MICALL2: variants seen among roughly 807,000 people sequenced by gnomAD.
MICALL2 encodes MICAL like 2, also known as MICAL-like protein 2.
A neutral mutation model predicts 91.1 loss-of-function variants in MICALL2; 111 were observed. The observed-to-expected ratio is 1.22, with a 90% CI of 1.04 to 1.43. The LOEUF (loss-of-function observed/expected upper bound fraction) is 1.43. Among genes scored for constraint, MICALL2 ranks in the 40% most tolerant of loss-of-function variants. MICALL2 has a pLI of 0.00. For synonymous variants in MICALL2, 694 were observed against 525.3 expected, an observed-to-expected ratio of 1.32 and a Z score of -4.39; for missense variants, 1,556 against 1,236.0, an observed-to-expected ratio of 1.26 and a Z score of -3.88.
rs773608115 is a variant in MICALL2 at position 1,438,970 on chromosome 7, G to A, written c.1992C>T (p.Arg664=). The A allele has an allele frequency of 3.8e-6, 6 of 1,598,750 alleles. No individual in the cohort carries two copies. The highest frequency in any genetic ancestry group is 2.2e-5 in the South Asian group (2 of 91,018). ...LPARSPSPPR[R]RRLAVPASLD... ...GGCTGGCAGGGACGGCCAGTCTCCT[G>A]CGGCGGGGTGGGGAGGGGGACCTGG... The change falls in exon 10 of 17, where the codon CGC becomes CGT. Residue 664 remains arginine, a synonymous_variant. Transcript: ENST00000297508.
In MICALL2 at chr7:1,440,687, G is replaced by C. The variant is rs554551961; in HGVS notation, c.1712-3C>G. 1.2e-6 allele frequency: 2 copies of C among 1,610,674 alleles called. No individual in the cohort carries two copies. The highest frequency in any genetic ancestry group is 2.2e-5 in the South Asian group (2 of 91,062). ...TTCCTGGAGGCTGGTGCTCATGTCT[G>C]GGTGGGAGGCAAGGGGTCTGGGTGT... On this transcript the variant is annotated splice_region_variant and splice_polypyrimidine_tract_variant and intron_variant, in intron 7 of 16. Coordinates refer to ENST00000297508, the MANE Select transcript of MICALL2 (RefSeq NM_182924.4).
chr7:1,456,810 A>G (rs1466943187), intron 1 of MICALL2, among the ~76,000 whole-genome samples: 1 of 151,794 alleles, frequency 6.6e-6, no homozygotes, highest in East Asian at 1.9e-4. Flanking sequence ...ATACAAGCGC[A>G]TGTCCCCACA....
At chr7:1,439,145 C>G in intron 9 of MICALL2, 150 bp from the exon 10 acceptor site, 1 of 648,798 alleles carries the variant, frequency 1.5e-6, no homozygotes, top group Non-Finnish European at 2.6e-6. Flanking sequence ...CATCACAAGC[C>G]CTACACCCAC....
chr7:1,440,716 GA>G, intron 7 of MICALL2, 32 bp from the exon 8 acceptor site: 1 of 1,578,786 alleles, frequency 6.3e-7, no homozygotes, highest in Non-Finnish European at 8.7e-7. Flanking sequence ...TGGGTGTGAG[GA>G]AGGAGTGCTG....
chr7:1,434,376 G>C lies in MICALL2; in HGVS notation c.*220C>G. Reference sequence around the variant, plus strand: ...CGTAGGAGTCCGGGGCCATGTGGTCGGTTTCTTTATTGAGACCACAGACGG... The same window carrying C: ...CGTAGGAGTCCGGGGCCATGTGGTCCGTTTCTTTATTGAGACCACAGACGG... On this transcript the variant is annotated 3_prime_UTR_variant, in exon 17 of 17. Coordinates refer to ENST00000297508, the MANE Select transcript of MICALL2 (RefSeq NM_182924.4). 1 of 667,656 alleles carries C rather than the reference G, an allele frequency of 1.5e-6. No homozygotes were observed. Among genetic ancestry groups the C allele is most frequent in the Non-Finnish European group, 2.8e-6 (1 of 363,016 alleles). 41.4% of individuals were successfully genotyped at this position (667,656 alleles called of 1,614,324 possible).
Position 1,447,664 on chromosome 7 carries a change from G to C in MICALL2, c.436C>G (p.Pro146Ala). The C allele has an allele frequency of 6.3e-7, 1 of 1,586,924 alleles. No individual in the cohort carries two copies. Residue 146 changes from proline (P) to alanine (A), a missense_variant, in exon 4 of 17, where the codon CCA becomes GCA. Physicochemically the swap from Pro to Ala is conservative, Grantham distance 27. Transcript: ENST00000297508. Reference sequence around the variant, plus strand: ...GGAGATAGTGGAGGCTTCCGGGCTGGGGCGGGCGAGGGCAGCTTGGCCGCC... The same window carrying C: ...GGAGATAGTGGAGGCTTCCGGGCTGCGGCGGGCGAGGGCAGCTTGGCCGCC... The part of the protein sequence containing the change: ...VQAAKLPSPA[P>A]ARKPPLSPAQ...
At chr7:1,435,013 C>G in intron 16 of MICALL2, 88 bp downstream of exon 16, 1 of 664,186 alleles carries the variant, frequency 1.5e-6, no homozygotes, top group South Asian at 1.6e-5. Context: ...GCTGGAGGCC[C>G]GGTCCACCCA....
chr7:1,449,172 A>C (rs544781272), intron 2 of MICALL2, among the ~76,000 whole-genome samples: 1 of 152,356 alleles, frequency 6.6e-6, no homozygotes, highest in South Asian at 2.1e-4. Flanking sequence ...GCTCCCAGGC[A>C]ACAGGTGAGG....
intron 6 of MICALL2, 56 bp from the exon 7 acceptor site, chr7:1,442,540 T>C (rs1780352688): frequency 6.7e-7 from 1 of 1,487,576 alleles, no homozygotes. Context: ...CCTCCCACCA[T>C]CACCCGAGGC....
chr7:1,451,302 C>G lies in MICALL2; in HGVS notation c.144-1014G>C, dbSNP rs2128524812. On this transcript the variant is annotated intron_variant, in intron 1 of 16. Coordinates refer to ENST00000297508, the MANE Select transcript of MICALL2 (RefSeq NM_182924.4). This position sits in a 1 kb window ranked among gnomAD's most constrained non-coding sequence, Gnocchi z 4.5. ...GATCCCAGGAGGCCCCAGCCCAGCC[C>G]CAGGCCCTCCGACAAAAACCACCAG... is the stretch of plus-strand genomic sequence containing the variant. Among the ~76,000 whole-genome samples the G allele has an allele frequency of 6.6e-6, 1 of 152,250 alleles. No homozygotes were observed. Among genetic ancestry groups the G allele is most frequent in the Non-Finnish European group, 1.5e-5 (1 of 68,006 alleles).
chr7:1,442,633 TC>T (rs1399201579), intron 6 of MICALL2, 149 bp from the exon 7 acceptor site: 7 of 647,094 alleles, frequency 1.1e-5, no homozygotes, highest in Non-Finnish European at 1.4e-5. Context: ...ACCCTCCACC[TC>T]CCCCACCATT....
Position 1,434,406 on chromosome 7 carries a change from G to T in MICALL2, c.*190C>A, listed in dbSNP as rs75321417. ...CTTTATTGAGACCACAGACGGTAGC[G>T]CAGGTCCCTGCTGTCCACATGCCCC... On this transcript the variant is annotated 3_prime_UTR_variant, in exon 17 of 17. Transcript: ENST00000297508. 1.4e-6 allele frequency: 1 copy of T among 694,136 alleles called. No individual in the cohort carries two copies. 43.0% of individuals were successfully genotyped at this position (694,136 alleles called of 1,614,324 possible).
chr7:1,434,537 T>A lies in MICALL2; in HGVS notation c.*59A>T. The A allele has an allele frequency of 6.9e-7, 1 of 1,451,186 alleles. No individual in the cohort carries two copies. Among genetic ancestry groups the A allele is most frequent in the Non-Finnish European group, 9.7e-7 (1 of 1,033,270 alleles). The allele number at this position is 1,451,186 out of a possible 1,614,324, so 89.9% of individuals were successfully genotyped here. On this transcript the variant is annotated 3_prime_UTR_variant, in exon 17 of 17. Coordinates refer to ENST00000297508, the MANE Select transcript of MICALL2 (RefSeq NM_182924.4). Reference sequence around the variant, plus strand: ...GGGTTCCGGGTCCGGGCCAAGCCCATGGCCCCGAGTCCAAGTCCGGATGCC... The same window carrying A: ...GGGTTCCGGGTCCGGGCCAAGCCCAAGGCCCCGAGTCCAAGTCCGGATGCC...
chr7:1,435,484 A>G, intron 15 of MICALL2, among the ~76,000 whole-genome samples: 1 of 150,188 alleles, frequency 6.7e-6, no homozygotes, highest in African/African-American at 2.5e-5. Flanking sequence ...CACACCGGTG[A>G]CCTGGGACAG....
Position 1,444,944 on chromosome 7 carries a change from G to T in MICALL2, c.1126C>A (p.Pro376Thr). Residue 376 changes from proline to threonine, a missense_variant, in exon 6 of 17, where the codon CCC (proline) becomes ACC (threonine). Transcript: ENST00000297508. ...PSAPDPRPAT[P>T]QGGGAPRVAA... is the part of the protein sequence containing the mutation. ...ACTCGGGGGGCTCCCCCACCCTGGG[G>T]TGTGGCCGGGCGAGGGTCTGGGGCA... 6.6e-7 allele frequency: 1 copy of T among 1,515,446 alleles called. No homozygotes were observed. The highest frequency in any genetic ancestry group is 8.8e-7 in the Non-Finnish European group (1 of 1,133,396). The allele number at this position is 1,515,446 out of a possible 1,614,324, so 93.9% of individuals were successfully genotyped here.
At position 1,434,512 on chromosome 7, in the gene MICALL2, G is replaced by GGGTTCC. The variant is rs765892226; in HGVS notation, c.*78_*83dup. The GGGTTCC allele has an allele frequency of 4.8e-5, 60 of 1,245,340 alleles. No homozygotes were observed. Among genetic ancestry groups the GGGTTCC allele is most frequent in the Non-Finnish European group, 6.6e-5 (56 of 846,508 alleles). The allele number at this position is 1,245,340 out of a possible 1,614,324, so 77.1% of individuals were successfully genotyped here. ...AGCCCACGGCCCCGAGTACAAGTCC[G>GGGTTCC]GGTTCCGGGTCCGGGCCAAGCCCAT... On this transcript the variant is annotated 3_prime_UTR_variant, in exon 17 of 17. Coordinates refer to ENST00000297508, the MANE Select transcript of MICALL2 (RefSeq NM_182924.4).
intron 4 of MICALL2, among the ~76,000 whole-genome samples, chr7:1,447,181 C>G (rs987947274): frequency 2.0e-5 from 3 of 152,156 alleles, no homozygotes; most frequent in Non-Finnish European, 4.4e-5. Context: ...GGGCTGCCAA[C>G]CACCAGATAT....
intron 1 of MICALL2, among the ~76,000 whole-genome samples, chr7:1,454,371 A>G (rs1045148437): frequency 4.7e-5 from 7 of 148,840 alleles, no homozygotes; most frequent in African/African-American, 1.7e-4. Flanking sequence ...CAGATGGCAC[A>G]GTCGGGATGG....
Position 1,438,092 on chromosome 7 carries a change from C to T in MICALL2, c.2311+5G>A. On this transcript the variant is annotated splice_donor_5th_base_variant and intron_variant, in intron 12 of 16. Transcript: ENST00000297508. ...GCTGGCCCAGGGCCAGGCCGAGGCGCTCACCTCCCTCGGCCGCCCGCAGTC... is the reference window on the plus strand; with the variant it reads ...GCTGGCCCAGGGCCAGGCCGAGGCGTTCACCTCCCTCGGCCGCCCGCAGTC... The T allele has an allele frequency of 6.4e-7, 1 of 1,570,080 alleles. No homozygotes were observed. The highest frequency in any genetic ancestry group is 8.6e-7 in the Non-Finnish European group (1 of 1,158,746).
Sources: allele counts gnomAD v4.1 joint callset (sites outside exome capture counted in the v4.1 genomes callset), GRCh38; gene constraint gnomAD v4.1.1; non-coding constraint Gnocchi (gnomAD v3.1); transcripts MANE v1.5; gene names NCBI Gene and HGNC (gene_info 2026-07-23, HGNC 2026-07-21).